The following LYRM9 variants were observed in gnomAD, a reference collection of about 807,000 sequenced individuals.
LYRM9 encodes the protein LYR motif containing 9, also known as LYR motif-containing protein 9.
Under a neutral mutation model 12.6 loss-of-function variants are expected in LYRM9, and 14 were observed. The observed-to-expected ratio is 1.11, with a 90% CI of 0.73 to 1.73. The LOEUF is 1.73. Ranked by LOEUF, LYRM9 falls within the 40% of genes most tolerant of loss-of-function variation. LYRM9 has a pLI of 0.00. For synonymous variants in LYRM9, 42 were observed against 35.1 expected (o/e 1.20, Z -0.69); for missense variants, 94 against 95.0 (o/e 0.99, Z 0.04).
At chr17:27,885,213 C>T (rs941780441) in intron 1 of LYRM9, among the ~76,000 whole-genome samples, 2 of 152,342 alleles carry the variant, frequency 1.3e-5, no homozygotes, top group East Asian at 3.9e-4. Flanking sequence ...CACACGGGCA[C>T]GTGCCAAAAG....
chr17:27,879,788 C>A (rs1904978009), intron 3 of LYRM9: 1 of 542,736 alleles, frequency 1.8e-6, no homozygotes, highest in South Asian at 2.4e-5. Context: ...CTCTCTAGGT[C>A]CTTCTAATAC....
At chr17:27,883,835 TAAAAAA>T (rs781375467) in intron 1 of LYRM9, among the ~76,000 whole-genome samples, 3 of 24,574 alleles carry the variant, frequency 1.2e-4, no homozygotes, top group Non-Finnish European at 1.5e-4. Flanking sequence ...AGCCTTTTTC[TAAAAAA>T]AAAAAAAAAA....
At chr17:27,891,927 CTTTT>C (rs139787914) in intron 1 of LYRM9, 3 of 132,956 alleles carry the variant, frequency 2.3e-5, no homozygotes, top group Non-Finnish European at 3.1e-5. Context: ...GCTTGAACAT[CTTTT>C]TTTTTTTTTT....
In LYRM9 at chr17:27,886,707, T is replaced by C. The variant is rs1230184280; in HGVS notation, c.-18-3995A>G. ...TCTTGTTGCCCAGGCTGGAGTGCAA[T>C]GGCGCAATCTCGACCGCAACCTCCG... On this transcript the variant is annotated intron_variant, in intron 1 of 3. Coordinates refer to ENST00000379102, the MANE Select transcript of LYRM9 (RefSeq NM_001076680.3). The surrounding 1 kb of genome is among the most constrained non-coding windows in gnomAD (Gnocchi z 4.8). 6.6e-6 allele frequency among the ~76,000 whole-genome samples: 1 copy of C among 151,122 alleles called. No individual in the cohort carries two copies. Among genetic ancestry groups the C allele is most frequent in the Non-Finnish European group, 1.5e-5 (1 of 67,920 alleles).
chr17:27,885,720 A>G lies in LYRM9; in HGVS notation c.-18-3008T>C, dbSNP rs868414077. On this transcript the variant is annotated intron_variant, in intron 1 of 3. Coordinates refer to ENST00000379102, the MANE Select transcript of LYRM9 (RefSeq NM_001076680.3). ...CTGTCTCAAAAAAAAAAAAAAAAAA[A>G]AAAAAAAGAATTCATTTGGGCCCTA... 7.8e-4 allele frequency among the ~76,000 whole-genome samples: 118 copies of G among 151,772 alleles called. 1 individual carries two copies. Among genetic ancestry groups the G allele is most frequent in the South Asian group, 1.7e-3 (8 of 4,798 alleles).
rs1311309062 is a variant in LYRM9, at chr17:27,878,505, A to T, written c.*968T>A. 2 of 152,186 alleles carry T rather than the reference A, an allele frequency of 1.3e-5. No individual in the cohort carries two copies. Among genetic ancestry groups the T allele is most frequent in the African/African-American group, 4.8e-5 (2 of 41,446 alleles). The allele number at this position is 152,186 out of a possible 1,614,324, so 9.4% of individuals were successfully genotyped here. On this transcript the variant is annotated 3_prime_UTR_variant, in exon 4 of 4. Transcript: ENST00000379102. The stretch of plus-strand genomic sequence containing the variant: ...CTGAGTGCCCTTGGGGAATACTCAG[A>T]TCCCAGTGGGGCTTCTCTCTGCATC...
intron 1 of LYRM9, among the ~76,000 whole-genome samples, chr17:27,890,451 G>A (rs1305438779): frequency 1.3e-5 from 2 of 152,078 alleles, no homozygotes; most frequent in African/African-American, 4.8e-5. Flanking sequence ...ACAGATAAAG[G>A]AAAGGAGCAA....
intron 3 of LYRM9, 178 bp downstream of exon 3, chr17:27,880,096 G>A (rs1489797288): frequency 1.4e-6 from 1 of 706,578 alleles, no homozygotes. Flanking sequence ...GAATATAAAT[G>A]CAACCAGAAG....
At chr17:27,885,502 GGAGTTT>G (rs1905202689) in intron 1 of LYRM9, among the ~76,000 whole-genome samples, 1 of 152,044 alleles carries the variant, frequency 6.6e-6, no homozygotes, top group African/African-American at 2.4e-5. Context: ...CTTGAAGCCA[GGAGTTT>G]GAGACCAACC....
At position 27,886,175 on chromosome 17, in the gene LYRM9, T is replaced by G. The variant is rs1905226788; in HGVS notation, c.-18-3463A>C. ...AGTCGCGGAACAGATGGTTACCATC[T>G]GCAGTCCTCAAAATTAACATTTGGA... On this transcript the variant is annotated intron_variant, in intron 1 of 3. Transcript: ENST00000379102. The surrounding 1 kb of genome is among the most constrained non-coding windows in gnomAD (Gnocchi z 4.8). 6.6e-6 allele frequency among the ~76,000 whole-genome samples: 1 copy of G among 152,218 alleles called. No individual in the cohort carries two copies. Among genetic ancestry groups the G allele is most frequent in the Admixed American group, 6.5e-5 (1 of 15,278 alleles).
rs1313714413 is a variant in LYRM9, at chr17:27,886,731, C to T, written c.-18-4019G>A. Among the ~76,000 whole-genome samples the T allele has an allele frequency of 3.3e-5, 5 of 151,792 alleles. No individual in the cohort carries two copies. Among genetic ancestry groups the T allele is most frequent in the African/African-American group, 4.8e-5 (2 of 41,304 alleles). ...ATGGCGCAATCTCGACCGCAACCTC[C>T]GCCTCCTGGGTTTAAGCAATTCTCC... On this transcript the variant is annotated intron_variant, in intron 1 of 3. Transcript: ENST00000379102. The surrounding 1 kb of genome is among the most constrained non-coding windows in gnomAD (Gnocchi z 4.8).
Position 27,892,096 on chromosome 17 carries a change from T to C in LYRM9, c.-19+1221A>G, listed in dbSNP as rs150880751. 2.7e-4 allele frequency: 47 copies of C among 175,712 alleles called. No homozygotes were observed. The East Asian group carries it at 3.3e-3, about 12-fold the overall frequency. 10.9% of individuals were successfully genotyped at this position (175,712 alleles called of 1,614,324 possible). On this transcript the variant is annotated intron_variant, in intron 1 of 3. Coordinates refer to ENST00000379102, the MANE Select transcript of LYRM9 (RefSeq NM_001076680.3). ...GGCACACGCCACCACGTCTGGCTAA[T>C]TTTTTTAATTATTTATAGAAACGAA...
intron 3 of LYRM9, 59 bp downstream of exon 3, chr17:27,880,215 G>A (rs775435590): frequency 3.0e-6 from 4 of 1,351,542 alleles, no homozygotes; most frequent in Non-Finnish European, 4.2e-6. Context: ...TAGTGGTCAT[G>A]GGGATCACAG....
chr17:27,891,544 G>C (rs1345376484), intron 1 of LYRM9, among the ~76,000 whole-genome samples: 1 of 152,066 alleles, frequency 6.6e-6, no homozygotes, highest in African/African-American at 2.4e-5. Flanking sequence ...CCCCTACCTT[G>C]ACTTCTTCAC....
intron 1 of LYRM9, among the ~76,000 whole-genome samples, chr17:27,884,893 C>G (rs1040443091): frequency 1.3e-5 from 2 of 152,062 alleles, no homozygotes; most frequent in African/African-American, 4.8e-5. Flanking sequence ...ATCAGATGCC[C>G]TTAAACTAAG....
At position 27,886,627 on chromosome 17, in the gene LYRM9, GTTTC is replaced by G; in HGVS notation, c.-18-3919_-18-3916del. Among the ~76,000 whole-genome samples, 1 of 144,844 alleles carries G rather than the reference GTTTC, an allele frequency of 6.9e-6. No individual in the cohort carries two copies. Among genetic ancestry groups the G allele is most frequent in the East Asian group, 2.0e-4 (1 of 4,966 alleles). ...CTTCTCCTCAATCCCCATGCCACTG[GTTTC>G]TTTCTTTTCTTTTCTTTTTTTATTT... On this transcript the variant is annotated intron_variant, in intron 1 of 3. Transcript: ENST00000379102. The surrounding 1 kb of genome is among the most constrained non-coding windows in gnomAD (Gnocchi z 4.8).
chr17:27,879,823 G>A, intron 3 of LYRM9: 2 of 553,330 alleles, frequency 3.6e-6, no homozygotes, highest in Non-Finnish European at 6.4e-6. Flanking sequence ...CAAGACGCCA[G>A]TCTACATTCC....
chr17:27,885,701 C>CAAAAAA (rs61615628), intron 1 of LYRM9, among the ~76,000 whole-genome samples: 2 of 29,386 alleles, frequency 6.8e-5, no homozygotes, highest in African/African-American at 1.1e-4. Flanking sequence ...AACTCTGTCT[C>CAAAAAA]AAAAAAAAAA....
At chr17:27,885,174 G>A (rs960580077) in intron 1 of LYRM9, among the ~76,000 whole-genome samples, 20 of 152,194 alleles carry the variant, frequency 1.3e-4, no homozygotes, top group African/African-American at 4.6e-4. Context: ...TCAGAGCCCT[G>A]CATCCACATG....
Sources: gnomAD v4.1 joint callset for allele counts (sites outside exome capture counted in the v4.1 genomes callset) on GRCh38, gnomAD v4.1.1 for gene constraint, Gnocchi (gnomAD v3.1) non-coding constraint, MANE v1.5 for transcripts, NCBI Gene and HGNC (gene_info 2026-07-23, HGNC 2026-07-21) for gene names.